The following DCDC1 variants were observed in gnomAD, a reference collection of about 807,000 sequenced individuals.
The protein encoded by DCDC1 is doublecortin domain-containing protein 1.
DCDC1 carries 200 observed loss-of-function variants against 178.3 expected under a neutral mutation model. The observed-to-expected ratio is 1.12, with a 90% CI of 1.00 to 1.26. The LOEUF (loss-of-function observed/expected upper bound fraction) is 1.26, where lower values mean the gene tolerates loss of function less well. Ranked by LOEUF, DCDC1 falls within the 50% of genes most tolerant of loss-of-function variation. The pLI is 0.00. For synonymous variants in DCDC1, 690 were observed against 604.8 expected, an observed-to-expected ratio of 1.14 and a Z score of -2.07; for missense variants, 1,983 against 1,749.2, an observed-to-expected ratio of 1.13 and a Z score of -2.38.
At chr11:31,331,004 T>G (rs576624141) in intron 2 of DCDC1, among the ~76,000 whole-genome samples, 1 of 152,300 alleles carries the variant, frequency 6.6e-6, no homozygotes, top group Non-Finnish European at 1.5e-5. Flanking sequence ...TTTCACGATA[T>G]TGATTCTTCC....
chr11:31,331,613 C>T (rs113828849), intron 2 of DCDC1, among the ~76,000 whole-genome samples: 14,825 of 152,112 alleles, frequency 0.097, 2,007 homozygotes, highest in African/African-American at 0.3. Flanking sequence ...TTGTCGAAGG[C>T]CTTTTCTGCA....
At chr11:31,286,950 T>C (rs149851856) in intron 7 of DCDC1, among the ~76,000 whole-genome samples, 131 of 152,146 alleles carry the variant, frequency 8.6e-4, no homozygotes, top group African/African-American at 3.0e-3. Context: ...ATTGCTCAAA[T>C]TGGCAGACTT....
intron 15 of DCDC1, among the ~76,000 whole-genome samples, chr11:31,095,648 G>T (rs1158635490): frequency 1.3e-5 from 2 of 152,052 alleles, no homozygotes; most frequent in Admixed American, 6.6e-5. Context: ...ATGGATAGGG[G>T]GTACTGAAGG....
At chr11:30,900,259 T>G in intron 33 of DCDC1, 87 bp downstream of exon 33, 13 of 1,202,898 alleles carry the variant, frequency 1.1e-5, no homozygotes, top group Non-Finnish European at 8.8e-6. Flanking sequence ...TTATACACAT[T>G]TAATTCATTT....
At chr11:30,958,432 T>C (rs1948894521) in intron 20 of DCDC1, among the ~76,000 whole-genome samples, 2 of 152,138 alleles carry the variant, frequency 1.3e-5, no homozygotes, top group South Asian at 4.1e-4. Context: ...ACCCATTTTA[T>C]GGCAAAGGAT....
At chr11:30,865,699 C>T (rs273586) in intron 38 of DCDC1, among the ~76,000 whole-genome samples, 15,528 of 151,886 alleles carry the variant, frequency 0.1, 977 homozygotes, top group Admixed American at 0.19. Context: ...TAAAATTGAT[C>T]GATAAGTCTT....
chr11:31,321,174 G>C (rs1949318733), intron 3 of DCDC1, among the ~76,000 whole-genome samples: 1 of 30,696 alleles, frequency 3.3e-5, no homozygotes, highest in African/African-American at 1.4e-4. Context: ...GAGCTGTGGT[G>C]GGCTCCACCC....
intron 7 of DCDC1, among the ~76,000 whole-genome samples, chr11:31,282,100 G>C (rs1028692888): frequency 6.6e-6 from 1 of 152,070 alleles, no homozygotes; most frequent in African/African-American, 2.4e-5. Context: ...ATGTGAGGGG[G>C]AAGTTTTCCT....
rs1482014815 is a variant in DCDC1, at chr11:31,091,459, T to A, written c.2171A>T (p.His724Leu). The part of the protein sequence containing the change: ...AITQGCLAIG[H>L]PIRVKAAEGT... ...CTCAGCAGCCTTGACTCTGATAGGA[T>A]GACCAATAGCCAGGCAGCCCTGAGT... Residue 724 changes from histidine (H) to leucine (L), a missense_variant, in exon 17 of 39, where the codon CAT becomes CTT. Physicochemically the swap from His to Leu is moderately conservative, Grantham distance 99. Transcript: ENST00000684477. The A allele has an allele frequency of 5.2e-6, 4 of 762,504 alleles. No individual in the cohort carries two copies. Among genetic ancestry groups the A allele is most frequent in the Admixed American group, 5.1e-5 (3 of 58,570 alleles). 47.2% of individuals were successfully genotyped at this position (762,504 alleles called of 1,614,324 possible). A position where few individuals can be genotyped will look rare whatever the true frequency, so the allele number is the denominator to read the frequency against.
intron 20 of DCDC1, among the ~76,000 whole-genome samples, chr11:31,039,043 C>A (rs1340450893): frequency 6.6e-6 from 1 of 152,016 alleles, no homozygotes; most frequent in Non-Finnish European, 1.5e-5. Flanking sequence ...GATATCTAAT[C>A]AAGTGTTGAT....
chr11:31,276,422 A>C (rs1222106906), intron 7 of DCDC1, among the ~76,000 whole-genome samples: 1 of 152,174 alleles, frequency 6.6e-6, no homozygotes, highest in Non-Finnish European at 1.5e-5. Context: ...TCAGTAGAAG[A>C]GAACTACCAT....
chr11:31,032,586 A>T (rs1953724161), intron 20 of DCDC1, among the ~76,000 whole-genome samples: 1 of 152,072 alleles, frequency 6.6e-6, no homozygotes, highest in Non-Finnish European at 1.5e-5. Flanking sequence ...GAAAAATACT[A>T]ATGAGACAGT....
At chr11:31,021,424 A>G (rs543625240) in intron 20 of DCDC1, among the ~76,000 whole-genome samples, 1 of 152,222 alleles carries the variant, frequency 6.6e-6, no homozygotes, top group Non-Finnish European at 1.5e-5. Context: ...CATTTTGTGT[A>G]CTGATACAGA....
At chr11:31,004,334 T>G (rs1951725382) in intron 20 of DCDC1, among the ~76,000 whole-genome samples, 1 of 152,002 alleles carries the variant, frequency 6.6e-6, no homozygotes, top group African/African-American at 2.4e-5. Context: ...TAATCCAGAA[T>G]GTCTGAATCA....
Position 31,146,271 on chromosome 11 carries a change from A to G in DCDC1, c.1222-8487T>C, listed in dbSNP as rs1430993642. Among the ~76,000 whole-genome samples, 3 of 151,848 alleles carry G rather than the reference A, an allele frequency of 2.0e-5. No individual in the cohort carries two copies. The East Asian group carries it at 5.8e-4, about 29-fold the overall frequency. ...TTGTTTGTTTTTGTTTTTTTAGTAG[A>G]GATGGGGTTTCACCATGTTGGCCAG... is the stretch of plus-strand genomic sequence containing the variant. On this transcript the variant is annotated intron_variant, in intron 9 of 38. Transcript: ENST00000684477.
rs1371381387 is a variant in DCDC1, at chr11:31,277,201, C to T, written c.961-11601G>A. ...TTCACTAGAGAATAGTTCGTCTGTT[C>T]TACAATTTCATGGCATGTAATATTT... On this transcript the variant is annotated intron_variant, in intron 7 of 38. Transcript: ENST00000684477. Among the ~76,000 whole-genome samples, 3 of 152,018 alleles carry T rather than the reference C, an allele frequency of 2.0e-5. No individual in the cohort carries two copies. The East Asian group carries it at 5.8e-4, about 29-fold the overall frequency.
At chr11:31,091,093 C>A (rs1028061170) in intron 17 of DCDC1, among the ~76,000 whole-genome samples, 9 of 152,140 alleles carry the variant, frequency 5.9e-5, no homozygotes, top group African/African-American at 2.2e-4. Context: ...AATTAACAAT[C>A]AAAATGGATA....
At position 31,294,866 on chromosome 11, in the gene DCDC1, GAA is replaced by G. The variant is rs1236633335; in HGVS notation, c.755-4016_755-4015del. Among the ~76,000 whole-genome samples the G allele has an allele frequency of 6.6e-5, 9 of 136,396 alleles. No homozygotes were observed. In the Middle Eastern group the frequency reaches 0.013, roughly 189 times the overall value. 89.5% of individuals were successfully genotyped at this position (136,396 alleles called of 152,430 possible). On this transcript the variant is annotated intron_variant, in intron 6 of 38. Transcript: ENST00000684477. ...AGAAAGAAAGAAAGAAAGAAAGAAA[GAA>G]AAAGAAAACAGAAAGAGTGTATGTG...
At chr11:31,165,402 C>T (rs1185215056) in intron 9 of DCDC1, among the ~76,000 whole-genome samples, 1 of 152,098 alleles carries the variant, frequency 6.6e-6, no homozygotes, top group East Asian at 1.9e-4. Context: ...GTGATCACAG[C>T]TCACTGCAAC....
Sources: gnomAD v4.1 joint callset for allele counts (sites outside exome capture counted in the v4.1 genomes callset) on GRCh38, gnomAD v4.1.1 for gene constraint, MANE v1.5 for transcripts, NCBI Gene and HGNC (gene_info 2026-07-23, HGNC 2026-07-21) for gene names.